CENPW: variants seen among roughly 807,000 people sequenced by gnomAD.
CENPW encodes cancer-up-regulated gene 2 protein.
In CENPW, 3 loss-of-function variants were observed where a neutral mutation model predicts 11.1. That is an observed-to-expected ratio of 0.27 (90% CI 0.12 to 0.70). The LOEUF (loss-of-function observed/expected upper bound fraction) is 0.70. CENPW is among the 30% of genes least tolerant of loss of function. The pLI, the probability that CENPW is intolerant of heterozygous loss-of-function variation, is 0.77. For synonymous variants in CENPW, 38 were observed against 42.0 expected, an observed-to-expected ratio of 0.91 and a Z score of 0.37; for missense variants, 100 against 105.6, an observed-to-expected ratio of 0.95 and a Z score of 0.23.
At chr6:126,461,771 T>C in the CENPW span, among the ~76,000 whole-genome samples, 2 of 151,940 alleles carry the variant, frequency 1.3e-5, no homozygotes, top group Non-Finnish European at 2.9e-5. Context: ...TAAGTAATAA[T>C]AGAGGATTAT....
chr6:126,455,202 C>T, the CENPW span, among the ~76,000 whole-genome samples: 1 of 151,342 alleles, frequency 6.6e-6, no homozygotes, highest in Non-Finnish European at 1.5e-5. Context: ...CATGACTTCT[C>T]CCTAACTCAT....
the CENPW span, among the ~76,000 whole-genome samples, chr6:126,402,198 A>G: frequency 6.6e-6 from 1 of 151,996 alleles, no homozygotes; most frequent in African/African-American, 2.4e-5. Flanking sequence ...CAATTATTCC[A>G]GCAAATATTC....
chr6:126,427,321 C>T, the CENPW span, among the ~76,000 whole-genome samples: 1 of 152,170 alleles, frequency 6.6e-6, no homozygotes, highest in Non-Finnish European at 1.5e-5. Context: ...GAAGAAGCCA[C>T]TTAGTGTCTG....
At chr6:126,433,290 A>G in the CENPW span, among the ~76,000 whole-genome samples, 1 of 152,118 alleles carries the variant, frequency 6.6e-6, no homozygotes, top group Non-Finnish European at 1.5e-5. Context: ...ATTTTACTAT[A>G]TATTAGGCCT....
the CENPW span, among the ~76,000 whole-genome samples, chr6:126,366,816 C>T: frequency 1.3e-5 from 2 of 152,136 alleles, no homozygotes; most frequent in African/African-American, 4.8e-5. Context: ...GTTCTGGAGG[C>T]TGGGAAGTTC....
the CENPW span, among the ~76,000 whole-genome samples, chr6:126,469,118 T>A: frequency 3.3e-5 from 5 of 152,286 alleles, no homozygotes; most frequent in Admixed American, 2.6e-4. Context: ...TATGTATCTA[T>A]GTTATATGGT....
chr6:126,340,229 A>C lies in CENPW; in HGVS notation c.-45A>C, dbSNP rs1408350965. On this transcript the variant is annotated 5_prime_UTR_variant, in exon 1 of 3. Transcript: ENST00000368328. ...TGTCCCCGGAGCTTGTGTGCGATAC[A>C]GAGAGCACCTCGGAAGCTGAGGCAG... The C allele has an allele frequency of 6.3e-7, 1 of 1,598,036 alleles. No homozygotes were observed. The highest frequency in any genetic ancestry group is 8.6e-7 in the Non-Finnish European group (1 of 1,167,740).
intron 1 of CENPW, among the ~76,000 whole-genome samples, chr6:126,345,628 A>G (rs1239698111): frequency 6.6e-6 from 1 of 152,078 alleles, no homozygotes; most frequent in African/African-American, 2.4e-5. Context: ...AAGAGGCTCG[A>G]AGATTATTAA....
At chr6:126,357,995 T>C in the CENPW span, among the ~76,000 whole-genome samples, 571 of 152,342 alleles carry the variant, frequency 3.7e-3, 1 homozygote, top group Non-Finnish European at 5.8e-3. Flanking sequence ...TGGGATTGTC[T>C]TCTTCCATGA....
At chr6:126,405,735 AC>A in the CENPW span, among the ~76,000 whole-genome samples, 1 of 151,984 alleles carries the variant, frequency 6.6e-6, no homozygotes, top group Admixed American at 6.6e-5. Flanking sequence ...ATTGTCTGTT[AC>A]TAAGTTATTT....
the CENPW span, among the ~76,000 whole-genome samples, chr6:126,408,742 C>T: frequency 1.3e-5 from 2 of 151,902 alleles, no homozygotes; most frequent in Admixed American, 6.6e-5. Flanking sequence ...TTTTCATTTC[C>T]TATAGATTTT....
the CENPW span, among the ~76,000 whole-genome samples, chr6:126,416,146 A>T: frequency 6.6e-6 from 1 of 152,290 alleles, no homozygotes; most frequent in East Asian, 1.9e-4. Flanking sequence ...CTTGTTGGGA[A>T]CTGGAACAAA....
At chr6:126,470,836 A>C in the CENPW span, among the ~76,000 whole-genome samples, 7 of 152,334 alleles carry the variant, frequency 4.6e-5, no homozygotes, top group East Asian at 1.2e-3. Context: ...TTGGACTTGC[A>C]CAGGGCCTGT....
chr6:126,418,443 G>A, the CENPW span, among the ~76,000 whole-genome samples: 20 of 152,200 alleles, frequency 1.3e-4, no homozygotes, highest in African/African-American at 4.8e-4. Flanking sequence ...TCTGCAAAAA[G>A]CAAAACTACG....
At chr6:126,398,272 C>G in the CENPW span, among the ~76,000 whole-genome samples, 1 of 152,150 alleles carries the variant, frequency 6.6e-6, no homozygotes, top group Non-Finnish European at 1.5e-5. Context: ...ATAGGAAAGA[C>G]CTGTGTCTGT....
the CENPW span, among the ~76,000 whole-genome samples, chr6:126,478,204 G>A: frequency 6.6e-6 from 1 of 151,902 alleles, no homozygotes. Flanking sequence ...TTGACTTTGG[G>A]AGTTGAGTTT....
the CENPW span, among the ~76,000 whole-genome samples, chr6:126,453,949 A>G: frequency 6.6e-6 from 1 of 151,254 alleles, no homozygotes; most frequent in Admixed American, 6.6e-5. Context: ...AAAGATCAAA[A>G]CAAAACAAAA....
the CENPW span, among the ~76,000 whole-genome samples, chr6:126,416,482 T>C: frequency 1.3e-3 from 203 of 152,178 alleles, 3 homozygotes; most frequent in Non-Finnish European, 4.7e-4. Context: ...ATGGGAAAAA[T>C]GTCTCCAGGG....
rs1194346995 is a variant in CENPW, at chr6:126,340,326, C to T, written c.53C>T (p.Pro18Leu). ...AGGAAGCAGATAAAGCGGAAGGCTCCCCGTGGCTTTCTAAAGCGAGTCTTC... is the reference window on the plus strand; with the variant it reads ...AGGAAGCAGATAAAGCGGAAGGCTCTCCGTGGCTTTCTAAAGCGAGTCTTC... ...SQRKQIKRKAPRGFLKRVFKR... is the reference protein window; with the variant it reads ...SQRKQIKRKALRGFLKRVFKR... Residue 18 changes from proline (P) to leucine (L), a missense_variant, in exon 1 of 3, where the codon CCC becomes CTC. By Grantham distance (98) the Pro-to-Leu change is moderately conservative (BLOSUM62 -3). Transcript: ENST00000368328. 27 of 1,613,940 alleles carry T rather than the reference C, an allele frequency of 1.7e-5. No homozygotes were observed. Among genetic ancestry groups the T allele is most frequent in the Non-Finnish European group, 2.2e-5 (26 of 1,180,024 alleles).
Sources: gnomAD v4.1 joint callset for allele counts (sites outside exome capture counted in the v4.1 genomes callset) on GRCh38, gnomAD v4.1.1 for gene constraint, MANE v1.5 for transcripts, NCBI Gene and HGNC (gene_info 2026-07-23, HGNC 2026-07-21) for gene names.